Variants in SYNE2 observed in about 807,000 individuals in gnomAD.
The protein encoded by SYNE2 is spectrin repeat containing nuclear envelope protein 2.
In SYNE2, 431 loss-of-function variants were observed where a neutral mutation model predicts 856.3. The ratio of observed to expected loss-of-function variants is 0.50; its 90% CI spans 0.47 to 0.55. The LOEUF (loss-of-function observed/expected upper bound fraction) is 0.55. Among genes scored for constraint, SYNE2 ranks in the 20% least tolerant of loss-of-function variants. The pLI, the probability that SYNE2 is intolerant of heterozygous loss-of-function variation, is 0.00. For missense variants in SYNE2, 8,129 were observed against 8,023.2 expected (o/e 1.01, Z -0.50); for synonymous variants, 2,923 against 2,872.3 (o/e 1.02, Z -0.56).
intron 28 of SYNE2, among the ~76,000 whole-genome samples, chr14:64,001,400 T>C (rs369999630): frequency 2.0e-5 from 3 of 152,312 alleles, no homozygotes; most frequent in Admixed American, 6.5e-5. Flanking sequence ...AAGAATACTT[T>C]GGGGCCAGGC....
chr14:63,974,372 A>G (rs2096511120), intron 11 of SYNE2, among the ~76,000 whole-genome samples: 3 of 152,116 alleles, frequency 2.0e-5, no homozygotes, highest in African/African-American at 4.8e-5. Flanking sequence ...TAGAAATCAC[A>G]TGGCAAGAGA....
intron 14 of SYNE2, 101 bp from the exon 15 acceptor site, chr14:63,980,553 G>T: frequency 2.6e-6 from 2 of 766,348 alleles, no homozygotes; most frequent in Non-Finnish European, 4.5e-6. Context: ...AAGAAATTTG[G>T]TAACTCTGTC....
At chr14:63,888,324 T>TG (rs1433768009) in intron 1 of SYNE2, among the ~76,000 whole-genome samples, 2 of 151,954 alleles carry the variant, frequency 1.3e-5, no homozygotes, top group Admixed American at 6.6e-5. Flanking sequence ...CAGGCCTGGG[T>TG]GGGGGGCACC....
chr14:63,945,426 C>T (rs1197683719), intron 6 of SYNE2, among the ~76,000 whole-genome samples: 4 of 152,034 alleles, frequency 2.6e-5, no homozygotes, highest in African/African-American at 7.2e-5. Flanking sequence ...ACTATGTACT[C>T]TTTCGTGTTT....
At chr14:64,080,055 G>A (rs35611511) in intron 55 of SYNE2, among the ~76,000 whole-genome samples, 1 of 151,996 alleles carries the variant, frequency 6.6e-6, no homozygotes, top group Non-Finnish European at 1.5e-5. Flanking sequence ...GTGTGTGTGT[G>A]TGTGTGTGTG....
chr14:63,940,530 G>T, intron 2 of SYNE2, 84 bp from the exon 3 acceptor site: 1 of 1,257,794 alleles, frequency 8.0e-7, no homozygotes, highest in Non-Finnish European at 1.2e-6. Context: ...CACACCTAGC[G>T]TGACAGACCT....
intron 76 of SYNE2, among the ~76,000 whole-genome samples, chr14:64,131,439 C>G (rs2098019658): frequency 6.6e-6 from 1 of 152,186 alleles, no homozygotes; most frequent in African/African-American, 2.4e-5. Context: ...TAGTCATTCT[C>G]TTGAGTAGAA....
intron 85 of SYNE2, among the ~76,000 whole-genome samples, chr14:64,157,298 T>C (rs530860462): frequency 3.9e-5 from 6 of 152,340 alleles, no homozygotes; most frequent in African/African-American, 1.2e-4. Flanking sequence ...TACCTTCTTA[T>C]GGATTTACCT....
intron 1 of SYNE2, among the ~76,000 whole-genome samples, chr14:63,861,651 G>A (rs991435412): frequency 6.6e-6 from 1 of 151,914 alleles, no homozygotes; most frequent in Non-Finnish European, 1.5e-5. Flanking sequence ...CTGGGCTATG[G>A]TGGTGCATGT....
chr14:64,134,221 T>A, intron 78 of SYNE2, 21 bp downstream of exon 78: 2 of 1,613,420 alleles, frequency 1.2e-6, no homozygotes, highest in Non-Finnish European at 1.7e-6. Flanking sequence ...TCCATTTAAG[T>A]TATCAAAGGC....
intron 49 of SYNE2, among the ~76,000 whole-genome samples, chr14:64,062,148 A>C (rs2097322543): frequency 6.6e-6 from 1 of 152,144 alleles, no homozygotes; most frequent in African/African-American, 2.4e-5. Context: ...ATTTTATAAC[A>C]GTTCTTTTCT....
chr14:64,008,667 G>T (rs770655894), intron 31 of SYNE2, among the ~76,000 whole-genome samples: 11 of 152,116 alleles, frequency 7.2e-5, no homozygotes, highest in Non-Finnish European at 1.5e-4. Context: ...ATCTACATGA[G>T]GGTGGGGAGT....
intron 1 of SYNE2, among the ~76,000 whole-genome samples, chr14:63,830,027 A>G (rs550492164): frequency 5.9e-4 from 90 of 152,290 alleles, no homozygotes; most frequent in African/African-American, 1.9e-3. Flanking sequence ...TCTATACGGG[A>G]TATTATTTGG....
chr14:64,135,936 C>T (rs1040025406), intron 78 of SYNE2, among the ~76,000 whole-genome samples: 1 of 152,086 alleles, frequency 6.6e-6, no homozygotes, highest in African/African-American at 2.4e-5. Flanking sequence ...GTCAACAAAC[C>T]TGTGTTCAAA....
At chr14:63,771,406 T>C (rs983945259) in intron 1 of SYNE2, among the ~76,000 whole-genome samples, 9 of 152,172 alleles carry the variant, frequency 5.9e-5, no homozygotes, top group African/African-American at 2.2e-4. Context: ...ATTTTGCTAA[T>C]GACTTTGGAT....
chr14:64,170,570 C>A, intron 94 of SYNE2, 108 bp downstream of exon 94: 1 of 1,167,580 alleles, frequency 8.6e-7, no homozygotes, highest in Non-Finnish European at 1.2e-6. Flanking sequence ...TCCAAGTGGG[C>A]TCTCTGCAGT....
chr14:64,170,112 A>ATT, intron 93 of SYNE2, 116 bp from the exon 94 acceptor site: 1 of 1,018,432 alleles, frequency 9.8e-7, no homozygotes, highest in Non-Finnish European at 1.5e-6. Flanking sequence ...AGAAGTTGGG[A>ATT]TTTTTTTCAT....
chr14:64,184,329 GGTGTGTGTGTGT>G (rs767980383), intron 96 of SYNE2, among the ~76,000 whole-genome samples: 19 of 144,164 alleles, frequency 1.3e-4, no homozygotes, highest in South Asian at 9.0e-4. Context: ...TATGCATAGG[GGTGTGTGTGTGT>G]GTGTGTGTGT....
At chr14:63,956,434 C>T (rs888524556) in intron 8 of SYNE2, 4 of 456,464 alleles carry the variant, frequency 8.8e-6, no homozygotes, top group African/African-American at 6.0e-5. Context: ...AACCAGCTTA[C>T]AAAAACTTCT....
Sources: gnomAD v4.1 joint callset for allele counts (sites outside exome capture counted in the v4.1 genomes callset) on GRCh38, gnomAD v4.1.1 for gene constraint, MANE v1.5 for transcripts, NCBI Gene and HGNC (gene_info 2026-07-23, HGNC 2026-07-21) for gene names.